The following MED17 variants were observed in gnomAD, a reference collection of about 807,000 sequenced individuals.
MED17 encodes mediator complex subunit 17, also known as mediator of RNA polymerase II transcription subunit 17.
A neutral mutation model predicts 80.8 loss-of-function variants in MED17; 49 were observed. The ratio of observed to expected loss-of-function variants is 0.61; its 90% CI spans 0.48 to 0.77. The LOEUF (loss-of-function observed/expected upper bound fraction) is 0.77. MED17 is among the 30% of genes least tolerant of loss of function. MED17 has a pLI of 0.00. For synonymous variants in MED17, 281 were observed against 280.4 expected (o/e 1.00, Z -0.02); for missense variants, 718 against 787.0 (o/e 0.91, Z 1.05).
intron 2 of MED17, chr11:93,790,370 G>A (rs1159472604): frequency 3.3e-6 from 2 of 603,094 alleles, no homozygotes; most frequent in Non-Finnish European, 6.0e-6. Flanking sequence ...GGCCATTGTA[G>A]TGTTTTTGGT....
At chr11:93,798,918 T>C (rs1030533212) in intron 8 of MED17, among the ~76,000 whole-genome samples, 2 of 152,140 alleles carry the variant, frequency 1.3e-5, no homozygotes, top group African/African-American at 4.8e-5. Context: ...CCCAAATAAA[T>C]GATCAGCATA....
intron 2 of MED17, chr11:93,788,765 A>G (rs566836728): frequency 3.3e-5 from 5 of 152,290 alleles, no homozygotes; most frequent in Non-Finnish European, 5.9e-5. Flanking sequence ...GGTCTGTGAT[A>G]TATTACACAA....
chr11:93,804,612 T>TA (rs987811083), intron 9 of MED17, among the ~76,000 whole-genome samples: 27 of 152,240 alleles, frequency 1.8e-4, no homozygotes, highest in African/African-American at 6.3e-4. Context: ...ACTTTTTTTT[T>TA]ACATATGCAT....
At chr11:93,791,746 GTTC>G (rs1943838213) in intron 3 of MED17, among the ~76,000 whole-genome samples, 1 of 152,006 alleles carries the variant, frequency 6.6e-6, no homozygotes, top group Non-Finnish European at 1.5e-5. Flanking sequence ...AATTCTCAGT[GTTC>G]TTCTGAGAAT....
chr11:93,784,638 G>A lies in MED17; in HGVS notation c.125G>A (p.Arg42His). ...PPLSMSQNLARLAQRIDFSQG... is the reference protein window; with the variant it reads ...PPLSMSQNLAHLAQRIDFSQG... Reference sequence around the variant, plus strand: ...CTGTCCATGTCGCAGAATCTGGCGCGTCTGGCCCAGCGGATAGACTTCAGC... The same window carrying A: ...CTGTCCATGTCGCAGAATCTGGCGCATCTGGCCCAGCGGATAGACTTCAGC... The change falls in exon 1 of 12, where the codon CGT (arginine) becomes CAT (histidine). Residue 42 changes from arginine (R) to histidine (H), a missense_variant. Arg to His is a conservative substitution (Grantham distance 29). Transcript: ENST00000251871. 1 of 1,579,540 alleles carries A rather than the reference G, an allele frequency of 6.3e-7. No individual in the cohort carries two copies. Among genetic ancestry groups the A allele is most frequent in the Non-Finnish European group, 8.6e-7 (1 of 1,163,772 alleles).
intron 11 of MED17, 38 bp from the exon 12 acceptor site, chr11:93,811,815 A>G: frequency 6.5e-7 from 1 of 1,538,106 alleles, no homozygotes; most frequent in Non-Finnish European, 9.0e-7. Context: ...CTAGTTTGGT[A>G]AACTAGAGTG....
intron 7 of MED17, among the ~76,000 whole-genome samples, chr11:93,796,752 A>G (rs1049924974): frequency 2.6e-5 from 4 of 152,188 alleles, no homozygotes; most frequent in African/African-American, 9.7e-5. Context: ...TGGTAGAGAT[A>G]CACAGGTTTT....
chr11:93,793,551 TTATC>T, intron 3 of MED17, 173 bp from the exon 4 acceptor site: 1 of 576,862 alleles, frequency 1.7e-6, no homozygotes, highest in East Asian at 2.9e-5. Flanking sequence ...CCCCCCACCT[TTATC>T]TTTCTTTCCT....
Position 93,811,392 on chromosome 11 carries a change from T to C in MED17, c.1745-461T>C, listed in dbSNP as rs553720488. On this transcript the variant is annotated intron_variant, in intron 11 of 11. Coordinates refer to ENST00000251871, the MANE Select transcript of MED17 (RefSeq NM_004268.5). ...TATTGAAAAAAATAGGTGAGTGTACTAGGCGTGGTGGCTCACGCCTGTAAT... is the reference window on the plus strand; with the variant it reads ...TATTGAAAAAAATAGGTGAGTGTACCAGGCGTGGTGGCTCACGCCTGTAAT... 1.9e-4 allele frequency: 34 copies of C among 176,108 alleles called. No homozygotes were observed. The East Asian group carries it at 5.3e-3, about 28-fold the overall frequency. The allele number at this position is 176,108 out of a possible 1,614,324, so 10.9% of individuals were successfully genotyped here.
intron 1 of MED17, 128 bp downstream of exon 1, chr11:93,784,891 G>C: frequency 7.6e-7 from 1 of 1,321,502 alleles, no homozygotes; most frequent in Non-Finnish European, 1.0e-6. Context: ...TAGCGGAAGC[G>C]TAAGGATACT....
chr11:93,785,002 A>C, intron 1 of MED17: 1 of 613,672 alleles, frequency 1.6e-6, no homozygotes, highest in East Asian at 2.8e-5. Flanking sequence ...ACACTGTCAA[A>C]CCGTGAAATG....
Position 93,784,349 on chromosome 11 carries a change from C to G in MED17, c.-165C>G. The stretch of plus-strand genomic sequence containing the variant: ...CGTTCTGGGAAAGTTGCTGGGCCAG[C>G]TCCTTTGTTTCCAGTCTGAGCGTTG... On this transcript the variant is annotated 5_prime_UTR_variant, in exon 1 of 12. Coordinates refer to ENST00000251871, the MANE Select transcript of MED17 (RefSeq NM_004268.5). The G allele has an allele frequency of 1.1e-6, 1 of 907,944 alleles. No individual in the cohort carries two copies. The highest frequency in any genetic ancestry group is 1.6e-6 in the Non-Finnish European group (1 of 623,950). The allele number at this position is 907,944 out of a possible 1,614,324, so 56.2% of individuals were successfully genotyped here.
chr11:93,790,085 G>A (rs572751274), intron 2 of MED17, among the ~76,000 whole-genome samples: 31 of 152,300 alleles, frequency 2.0e-4, no homozygotes, highest in African/African-American at 7.5e-4. Context: ...ACCCATTGCA[G>A]TCATTCATTC....
chr11:93,784,308 G>A lies in MED17; in HGVS notation c.-206G>A. The stretch of plus-strand genomic sequence containing the variant: ...GTTTTGCTCCGAAAGACTTACCGAG[G>A]AGGGAGCTTGCGGTGCGTTCTGGGA... On this transcript the variant is annotated 5_prime_UTR_variant, in exon 1 of 12. Coordinates refer to ENST00000251871, the MANE Select transcript of MED17 (RefSeq NM_004268.5). 1.5e-6 allele frequency: 1 copy of A among 659,948 alleles called. No homozygotes were observed. Among genetic ancestry groups the A allele is most frequent in the Non-Finnish European group, 2.5e-6 (1 of 402,520 alleles). 40.9% of individuals were successfully genotyped at this position (659,948 alleles called of 1,614,324 possible). A position where few individuals can be genotyped will look rare whatever the true frequency, so the allele number is the denominator to read the frequency against.
chr11:93,790,927 C>G, intron 3 of MED17, 134 bp downstream of exon 3: 1 of 787,084 alleles, frequency 1.3e-6, no homozygotes, highest in Non-Finnish European at 2.1e-6. Context: ...GGCAACATGG[C>G]AAAACCCTAT....
At position 93,794,876 on chromosome 11, in the gene MED17, G is replaced by C. The variant is rs1207968938; in HGVS notation, c.860-32G>C. The C allele has an allele frequency of 1.2e-6, 2 of 1,608,716 alleles. 1 individual carries two copies. Among genetic ancestry groups the C allele is most frequent in the Admixed American group, 3.3e-5 (2 of 59,994 alleles). ...AACTAGTTAATGCATAATATGGTTA[G>C]ATAATTGATACATATATTTCTTGTC... On this transcript the variant is annotated intron_variant, in intron 5 of 11. Transcript: ENST00000251871.
rs545687244 is a variant in MED17, at chr11:93,792,744, C to T, written c.638-984C>T. Among the ~76,000 whole-genome samples, 11 of 152,126 alleles carry T rather than the reference C, an allele frequency of 7.2e-5. No homozygotes were observed. The South Asian group carries it at 2.3e-3, about 32-fold the overall frequency. On this transcript the variant is annotated intron_variant, in intron 3 of 11. Transcript: ENST00000251871. ...ATTGCTTGAGCCCAGGAGTTCAAAA[C>T]CAGACTGAACAACATAGACCCTATC... is the stretch of plus-strand genomic sequence containing the variant.
chr11:93,807,727 G>A lies in MED17; in HGVS notation c.1584+92G>A. The A allele has an allele frequency of 1.2e-5, 10 of 867,074 alleles. 1 individual carries two copies. In the South Asian group the frequency reaches 1.2e-4, roughly 11 times the overall value. The allele number at this position is 867,074 out of a possible 1,614,324, so 53.7% of individuals were successfully genotyped here. A position where few individuals can be genotyped will look rare whatever the true frequency, so the allele number is the denominator to read the frequency against. ...AAAAGTAGTTAAAATGTAATAAATTGTGTAAGAAGAAAAAAAATTTTTTTC... is the reference window on the plus strand; with the variant it reads ...AAAAGTAGTTAAAATGTAATAAATTATGTAAGAAGAAAAAAAATTTTTTTC... On this transcript the variant is annotated intron_variant, in intron 10 of 11. Coordinates refer to ENST00000251871, the MANE Select transcript of MED17 (RefSeq NM_004268.5).
Position 93,812,164 on chromosome 11 carries a change from G to A in MED17, c.*100G>A. 9.9e-7 allele frequency: 1 copy of A among 1,005,690 alleles called. No individual in the cohort carries two copies. The highest frequency in any genetic ancestry group is 1.4e-5 in the South Asian group (1 of 73,710). The allele number at this position is 1,005,690 out of a possible 1,614,324, so 62.3% of individuals were successfully genotyped here. On this transcript the variant is annotated 3_prime_UTR_variant, in exon 12 of 12. Coordinates refer to ENST00000251871, the MANE Select transcript of MED17 (RefSeq NM_004268.5). The stretch of plus-strand genomic sequence containing the variant: ...AAGAAGAGATAACTTCCAAAAGAGT[G>A]CTGTTTTTAAAAATAATAATTAGGA...
Sources: allele counts gnomAD v4.1 joint callset (sites outside exome capture counted in the v4.1 genomes callset), GRCh38; gene constraint gnomAD v4.1.1; transcripts MANE v1.5; gene names NCBI Gene and HGNC (gene_info 2026-07-23, HGNC 2026-07-21).